The following CDH8 variants were observed in gnomAD, a reference collection of about 807,000 sequenced individuals.
CDH8 encodes cadherin 8.
CDH8 carries 17 observed loss-of-function variants against 68.1 expected under a neutral mutation model. The ratio of observed to expected loss-of-function variants is 0.25; its 90% CI spans 0.17 to 0.37. The LOEUF (loss-of-function observed/expected upper bound fraction) is 0.37. Among genes scored for constraint, CDH8 ranks in the 10% least tolerant of loss-of-function variants. The pLI, the probability that CDH8 is intolerant of heterozygous loss-of-function variation, is 1.00. For missense variants in CDH8, 763 were observed against 999.3 expected, an observed-to-expected ratio of 0.76 and a Z score of 3.19; for synonymous variants, 372 against 365.1, an observed-to-expected ratio of 1.02 and a Z score of -0.21.
intron 1 of CDH8, among the ~76,000 whole-genome samples, chr16:62,028,819 A>G (rs375572596): frequency 6.6e-6 from 1 of 152,074 alleles, no homozygotes; most frequent in African/African-American, 2.4e-5. Flanking sequence ...TCATTTCTCG[A>G]GTCTAATCTA....
chr16:61,896,131 T>C (rs1276475319), intron 3 of CDH8, among the ~76,000 whole-genome samples: 1 of 152,212 alleles, frequency 6.6e-6, no homozygotes, highest in Non-Finnish European at 1.5e-5. Flanking sequence ...GGTAGGGACA[T>C]TTGCATTGAA....
At chr16:61,895,059 A>G (rs1963846126) in intron 3 of CDH8, among the ~76,000 whole-genome samples, 1 of 152,116 alleles carries the variant, frequency 6.6e-6, no homozygotes, top group African/African-American at 2.4e-5. Context: ...TACGTGATGT[A>G]TAGTTCTGAC....
chr16:61,865,255 G>C (rs948904041), intron 3 of CDH8, among the ~76,000 whole-genome samples: 1 of 152,104 alleles, frequency 6.6e-6, no homozygotes, highest in African/African-American at 2.4e-5. Flanking sequence ...ATAAAATTCA[G>C]TTTACATATT....
At chr16:61,692,803 T>G (rs1964255594) in intron 10 of CDH8, 1 of 152,026 alleles carries the variant, frequency 6.6e-6, no homozygotes, top group Non-Finnish European at 1.5e-5. Flanking sequence ...AAGATTGACT[T>G]TGGGAGGTCA....
intron 2 of CDH8, among the ~76,000 whole-genome samples, chr16:61,957,718 T>C (rs890590443): frequency 3.9e-5 from 6 of 152,208 alleles, no homozygotes; most frequent in African/African-American, 4.8e-5. Flanking sequence ...ACTTGTTATA[T>C]TATTCATGCA....
chr16:61,846,694 A>G (rs1199849011), intron 4 of CDH8, among the ~76,000 whole-genome samples: 6 of 152,138 alleles, frequency 3.9e-5, no homozygotes, highest in Admixed American at 3.3e-4. Flanking sequence ...AGTAAGGACC[A>G]TAATACCCAC....
At chr16:61,775,052 C>T (rs1960870123) in intron 8 of CDH8, among the ~76,000 whole-genome samples, 1 of 152,042 alleles carries the variant, frequency 6.6e-6, no homozygotes, top group Non-Finnish European at 1.5e-5. Flanking sequence ...CTATAGTTAA[C>T]CAATTGATGG....
At chr16:61,734,247 C>T (rs2142909133) in intron 8 of CDH8, among the ~76,000 whole-genome samples, 1 of 152,192 alleles carries the variant, frequency 6.6e-6, no homozygotes, top group South Asian at 2.1e-4. Context: ...GGACTTTGAA[C>T]ATTCGCAGTT....
At chr16:61,909,463 A>G (rs1440253860) in intron 2 of CDH8, among the ~76,000 whole-genome samples, 2 of 152,212 alleles carry the variant, frequency 1.3e-5, no homozygotes, top group East Asian at 1.9e-4. Flanking sequence ...TTTTGTCTCC[A>G]TAAGACATAT....
chr16:61,680,217 A>G (rs563063810), intron 10 of CDH8, among the ~76,000 whole-genome samples: 104 of 152,100 alleles, frequency 6.8e-4, no homozygotes, highest in African/African-American at 2.4e-3. Flanking sequence ...CCATTACTCT[A>G]ATAAACAAAG....
At chr16:61,921,397 G>A (rs546285403) in intron 2 of CDH8, among the ~76,000 whole-genome samples, 2 of 151,674 alleles carry the variant, frequency 1.3e-5, no homozygotes, top group African/African-American at 4.8e-5. Context: ...TCTGACTTCT[G>A]TATTTAGCAG....
rs143579193 is a variant in CDH8 at position 61,647,740 on chromosome 16, A to C, written c.*5868T>G. On this transcript the variant is annotated 3_prime_UTR_variant, in exon 12 of 12. Coordinates refer to ENST00000577390, the MANE Select transcript of CDH8 (RefSeq NM_001796.5). ...CTGAAGTTCTTTGCATGTACAGAAG[A>C]AATCCCAAGAAATTAACATTTGGCT... is the stretch of plus-strand genomic sequence containing the variant. 2.3e-4 allele frequency: 157 copies of C among 694,382 alleles called. No individual in the cohort carries two copies. In the African/African-American group the frequency reaches 2.4e-3, roughly 10 times the overall value. The allele number at this position is 694,382 out of a possible 1,614,324, so 43.0% of individuals were successfully genotyped here. A position where few individuals can be genotyped will look rare whatever the true frequency, so the allele number is the denominator to read the frequency against.
chr16:62,035,495 T>G (rs1205001265), intron 1 of CDH8, among the ~76,000 whole-genome samples: 1 of 152,130 alleles, frequency 6.6e-6, no homozygotes, highest in Non-Finnish European at 1.5e-5. Flanking sequence ...GAGCTGGAGC[T>G]GCCACTTGTG....
At chr16:61,700,500 C>T (rs1421621673) in intron 10 of CDH8, among the ~76,000 whole-genome samples, 3 of 151,924 alleles carry the variant, frequency 2.0e-5, no homozygotes, top group Non-Finnish European at 4.4e-5. Flanking sequence ...AGGATGGTCT[C>T]GATCTCTTAA....
chr16:61,808,797 C>A (rs1050389747), intron 7 of CDH8, among the ~76,000 whole-genome samples: 1 of 152,038 alleles, frequency 6.6e-6, no homozygotes, highest in African/African-American at 2.4e-5. Context: ...TTGTAAAGAA[C>A]GTATTTTAGG....
intron 4 of CDH8, among the ~76,000 whole-genome samples, chr16:61,835,405 A>G (rs755912002): frequency 6.6e-6 from 1 of 151,820 alleles, no homozygotes; most frequent in Non-Finnish European, 1.5e-5. Flanking sequence ...AATCCCTGCA[A>G]GTGAATTAAC....
At chr16:62,023,899 T>A (rs918050368) in intron 1 of CDH8, among the ~76,000 whole-genome samples, 2 of 152,162 alleles carry the variant, frequency 1.3e-5, no homozygotes, top group African/African-American at 4.8e-5. Context: ...TCCAAAGGCA[T>A]AAGTTTTGTT....
At chr16:61,998,710 AG>A (rs1286358700) in intron 2 of CDH8, among the ~76,000 whole-genome samples, 1 of 152,230 alleles carries the variant, frequency 6.6e-6, no homozygotes, top group Non-Finnish European at 1.5e-5. Context: ...GATGGGTAGT[AG>A]CATTGTCATC....
intron 7 of CDH8, among the ~76,000 whole-genome samples, chr16:61,809,004 G>A (rs1961872618): frequency 6.6e-6 from 1 of 152,090 alleles, no homozygotes; most frequent in Non-Finnish European, 1.5e-5. Context: ...TGATCAACAT[G>A]GAGAAACCCC....
Sources: gnomAD v4.1 joint callset for allele counts (sites outside exome capture counted in the v4.1 genomes callset) on GRCh38, gnomAD v4.1.1 for gene constraint, MANE v1.5 for transcripts, NCBI Gene and HGNC (gene_info 2026-07-23, HGNC 2026-07-21) for gene names.